The following IPCEF1 variants were observed in gnomAD, a reference collection of about 807,000 sequenced individuals.
The protein encoded by IPCEF1 is interaction protein for cytohesin exchange factors 1, also known as interactor protein for cytohesin exchange factors 1.
A neutral mutation model predicts 50.9 loss-of-function variants in IPCEF1; 31 were observed. The ratio of observed to expected loss-of-function variants is 0.61; its 90% CI spans 0.46 to 0.82. IPCEF1 has a LOEUF of 0.82. Among genes scored for constraint, IPCEF1 ranks in the 40% least tolerant of loss-of-function variants. The probability of loss-of-function intolerance (pLI) is 0.00; values close to 1 mark genes in which losing one functional copy is unlikely to be tolerated. For missense variants in IPCEF1, 458 were observed against 514.0 expected, an observed-to-expected ratio of 0.89 and a Z score of 1.05; for synonymous variants, 181 against 192.0, an observed-to-expected ratio of 0.94 and a Z score of 0.47.
At chr6:154,290,751 G>A (rs957954319) in intron 1 of IPCEF1, among the ~76,000 whole-genome samples, 2 of 151,956 alleles carry the variant, frequency 1.3e-5, no homozygotes, top group African/African-American at 4.8e-5. Context: ...TTTCTAAAGA[G>A]GACAGTAAAA....
At chr6:154,204,165 A>T (rs2128596231) in intron 9 of IPCEF1, among the ~76,000 whole-genome samples, 1 of 152,262 alleles carries the variant, frequency 6.6e-6, no homozygotes, top group East Asian at 1.9e-4. Context: ...GATTTTTCCT[A>T]TTTTCTGTAT....
intron 2 of IPCEF1, among the ~76,000 whole-genome samples, chr6:154,280,798 G>T (rs1056348587): frequency 6.6e-6 from 1 of 152,224 alleles, no homozygotes; most frequent in African/African-American, 2.4e-5. Context: ...CTTGACTGAA[G>T]TGGCAGTTGC....
intron 10 of IPCEF1, among the ~76,000 whole-genome samples, chr6:154,194,654 T>C (rs1190274267): frequency 1.3e-5 from 2 of 151,994 alleles, no homozygotes; most frequent in Non-Finnish European, 2.9e-5. Context: ...CACTCCTAAC[T>C]CCTAGCTTCA....
intron 2 of IPCEF1, 30 bp from the exon 3 acceptor site, chr6:154,265,994 T>C (rs774305256): frequency 1.4e-5 from 19 of 1,340,960 alleles, no homozygotes; most frequent in Non-Finnish European, 1.6e-5. Context: ...TTCAGTTAAA[T>C]GTGAGATTAA....
intron 9 of IPCEF1, among the ~76,000 whole-genome samples, chr6:154,210,971 C>T (rs1297202744): frequency 1.3e-5 from 2 of 152,072 alleles, no homozygotes; most frequent in African/African-American, 4.8e-5. Context: ...TACCTTAAAT[C>T]CAGGAACTTG....
At chr6:154,231,515 C>T (rs1779716578) in intron 5 of IPCEF1, among the ~76,000 whole-genome samples, 1 of 152,240 alleles carries the variant, frequency 6.6e-6, no homozygotes, top group South Asian at 2.1e-4. Context: ...CAGTTGAATA[C>T]ACTGTGGTAT....
intron 2 of IPCEF1, among the ~76,000 whole-genome samples, chr6:154,281,286 G>A (rs1274639503): frequency 1.3e-5 from 2 of 151,670 alleles, no homozygotes; most frequent in East Asian, 1.9e-4. Flanking sequence ...CCGGGAGGTG[G>A]AGGTTGCAGT....
chr6:154,308,079 T>C (rs1199978108), intron 1 of IPCEF1, among the ~76,000 whole-genome samples: 1 of 152,140 alleles, frequency 6.6e-6, no homozygotes, highest in Non-Finnish European at 1.5e-5. Flanking sequence ...CAGACAGTAG[T>C]AAATAGTGGA....
intron 1 of IPCEF1, among the ~76,000 whole-genome samples, chr6:154,331,749 A>G (rs957899986): frequency 2.6e-5 from 4 of 152,094 alleles, no homozygotes; most frequent in Admixed American, 2.6e-4. Flanking sequence ...AAAATCCTCA[A>G]ATGAGCATTC....
intron 1 of IPCEF1, among the ~76,000 whole-genome samples, chr6:154,353,043 C>T (rs1041092899): frequency 6.6e-6 from 1 of 152,124 alleles, no homozygotes; most frequent in Non-Finnish European, 1.5e-5. Flanking sequence ...ATTAATCAGA[C>T]CAGCCAGCCC....
intron 1 of IPCEF1, among the ~76,000 whole-genome samples, chr6:154,319,483 C>G (rs1373340022): frequency 6.6e-6 from 1 of 152,162 alleles, no homozygotes; most frequent in East Asian, 1.9e-4. Context: ...AAAATTGTTT[C>G]TACTCCTAAG....
At chr6:154,322,695 G>A (rs1218306720) in intron 1 of IPCEF1, among the ~76,000 whole-genome samples, 1 of 151,944 alleles carries the variant, frequency 6.6e-6, no homozygotes, top group African/African-American at 2.4e-5. Flanking sequence ...AAATTAGCTG[G>A]GCATGGTGGT....
chr6:154,333,993 A>G (rs1783735221), intron 1 of IPCEF1, among the ~76,000 whole-genome samples: 1 of 152,144 alleles, frequency 6.6e-6, no homozygotes, highest in Non-Finnish European at 1.5e-5. Flanking sequence ...TTCATTATAG[A>G]GAAAGACACA....
intron 10 of IPCEF1, among the ~76,000 whole-genome samples, chr6:154,188,432 C>A (rs2128577717): frequency 6.6e-6 from 1 of 152,286 alleles, no homozygotes; most frequent in African/African-American, 2.4e-5. Flanking sequence ...CTGTTTCCCC[C>A]AGATTGAATC....
At chr6:154,177,626 A>C (rs1800452638) in intron 10 of IPCEF1, among the ~76,000 whole-genome samples, 1 of 152,234 alleles carries the variant, frequency 6.6e-6, no homozygotes, top group Non-Finnish European at 1.5e-5. Context: ...GATCATTAAA[A>C]AGTCAGGAAA....
Position 154,168,262 on chromosome 6 carries a change from G to A in IPCEF1, c.911-149C>T. 1 of 582,870 alleles carries A rather than the reference G, an allele frequency of 1.7e-6. No individual in the cohort carries two copies. The highest frequency in any genetic ancestry group is 2.9e-6 in the Non-Finnish European group (1 of 349,178). 36.1% of individuals were successfully genotyped at this position (582,870 alleles called of 1,614,324 possible). A position where few individuals can be genotyped will look rare whatever the true frequency, so the allele number is the denominator to read the frequency against. On this transcript the variant is annotated intron_variant, in intron 10 of 11. Transcript: ENST00000367220. The surrounding 1 kb of genome is among the most constrained non-coding windows in gnomAD (Gnocchi z 4.1). The stretch of plus-strand genomic sequence containing the variant: ...AACTGAAAGACAATAAATGTTTGCT[G>A]TCTAAGCCACCCAGTTTGCGATACT...
At chr6:154,221,768 G>C (rs1778882599) in intron 6 of IPCEF1, among the ~76,000 whole-genome samples, 1 of 152,110 alleles carries the variant, frequency 6.6e-6, no homozygotes, top group Non-Finnish European at 1.5e-5. Flanking sequence ...CAGCTACCCG[G>C]GAGGCTGAGG....
chr6:154,214,327 C>A (rs1177640382), intron 7 of IPCEF1, 51 bp from the exon 8 acceptor site: 4 of 1,190,314 alleles, frequency 3.4e-6, no homozygotes, highest in South Asian at 2.4e-5. Context: ...AGCCCCCCAC[C>A]CATTCACCTT....
At position 154,355,740 on chromosome 6, in the gene IPCEF1, T is replaced by TG. The variant is rs1246782569; in HGVS notation, c.-62+931dup. ...CTGACCTCAGATGATCCACCCGCCT[T>TG]GGGCTCCCAAAGTGCTGGGATTACA... On this transcript the variant is annotated intron_variant, in intron 1 of 11. Transcript: ENST00000367220. 3.3e-5 allele frequency among the ~76,000 whole-genome samples: 5 copies of TG among 152,150 alleles called. No individual in the cohort carries two copies. In the South Asian group the frequency reaches 1.0e-3, roughly 32 times the overall value.
Sources: allele counts gnomAD v4.1 joint callset (sites outside exome capture counted in the v4.1 genomes callset), GRCh38; gene constraint gnomAD v4.1.1; non-coding constraint Gnocchi (gnomAD v3.1); transcripts MANE v1.5; gene names NCBI Gene and HGNC (gene_info 2026-07-23, HGNC 2026-07-21).